Variants in GRIN2B observed in about 807,000 individuals in gnomAD.
The protein encoded by GRIN2B is glutamate ionotropic receptor NMDA type subunit 2B.
A neutral mutation model predicts 114.5 loss-of-function variants in GRIN2B; 5 were observed. The observed-to-expected ratio is 0.04, with a 90% CI of 0.02 to 0.09. The LOEUF (loss-of-function observed/expected upper bound fraction) is 0.09. Among genes scored for constraint, GRIN2B ranks in the 10% least tolerant of loss-of-function variants. The pLI is 1.00. For synonymous variants in GRIN2B, 787 were observed against 745.1 expected, an observed-to-expected ratio of 1.06 and a Z score of -0.92; for missense variants, 1,108 against 1,943.5, an observed-to-expected ratio of 0.57 and a Z score of 8.08.
chr12:13,537,533 ACTGT>A lies in GRIN2B; in HGVS notation c.*25246_*25249del, dbSNP rs896692345. 33 of 152,324 alleles carry A rather than the reference ACTGT, an allele frequency of 2.2e-4. No individual in the cohort carries two copies. Among genetic ancestry groups the A allele is most frequent in the African/African-American group, 7.9e-4 (33 of 41,566 alleles). 9.4% of individuals were successfully genotyped at this position (152,324 alleles called of 1,614,324 possible). A position where few individuals can be genotyped will look rare whatever the true frequency, so the allele number is the denominator to read the frequency against. On this transcript the variant is annotated 3_prime_UTR_variant, in exon 14 of 14. Transcript: ENST00000609686. ...AGAGGTCCTGGAGTTCCAAAGGGTG[ACTGT>A]CTGTGCTGTGAATAGTTGTCCATGG...
intron 3 of GRIN2B, among the ~76,000 whole-genome samples, chr12:13,759,641 T>G (rs1479595138): frequency 6.6e-6 from 1 of 152,230 alleles, no homozygotes; most frequent in African/African-American, 2.4e-5. Flanking sequence ...GCAGTCCTCC[T>G]TATCTACCAG....
chr12:13,952,009 T>C (rs1867491011), intron 2 of GRIN2B, among the ~76,000 whole-genome samples: 1 of 152,198 alleles, frequency 6.6e-6, no homozygotes, highest in African/African-American at 2.4e-5. Context: ...ATATCAAAAG[T>C]GGATCTGTGT....
At chr12:13,959,465 A>G (rs1449720508) in intron 2 of GRIN2B, among the ~76,000 whole-genome samples, 4 of 152,176 alleles carry the variant, frequency 2.6e-5, no homozygotes, top group African/African-American at 9.7e-5. Context: ...AATGAAGACA[A>G]TTCCAGCAGC....
At chr12:13,727,732 T>C (rs1441798824) in intron 4 of GRIN2B, among the ~76,000 whole-genome samples, 1 of 152,196 alleles carries the variant, frequency 6.6e-6, no homozygotes, top group Middle Eastern at 3.2e-3. Flanking sequence ...TGGGAGGACC[T>C]GATGCTGTGA....
intron 10 of GRIN2B, among the ~76,000 whole-genome samples, chr12:13,584,712 A>G (rs1948896080): frequency 6.6e-6 from 1 of 152,234 alleles, no homozygotes; most frequent in Non-Finnish European, 1.5e-5. Flanking sequence ...GGACTTGACA[A>G]TGCATATGAA....
chr12:13,567,839 A>G (rs1948660874), intron 12 of GRIN2B, among the ~76,000 whole-genome samples: 1 of 152,132 alleles, frequency 6.6e-6, no homozygotes, highest in Non-Finnish European at 1.5e-5. Flanking sequence ...CTGAATAAAA[A>G]AGAGTGATGT....
At chr12:13,771,391 T>C (rs1176037466) in intron 3 of GRIN2B, among the ~76,000 whole-genome samples, 7 of 152,138 alleles carry the variant, frequency 4.6e-5, no homozygotes, top group African/African-American at 7.2e-5. Context: ...TTCGTTTTGA[T>C]AAACCTACAC....
intron 3 of GRIN2B, among the ~76,000 whole-genome samples, chr12:13,855,653 T>C (rs774320552): frequency 1.3e-5 from 2 of 152,190 alleles, no homozygotes; most frequent in Non-Finnish European, 2.9e-5. Flanking sequence ...TCTGTGTCTG[T>C]GTCTTCTCCT....
rs1351401006 is a variant in GRIN2B, at chr12:13,556,473, C to T, written c.*6310G>A. The T allele has an allele frequency of 1.3e-5, 2 of 152,118 alleles. No individual in the cohort carries two copies. The highest frequency in any genetic ancestry group is 3.9e-4 in the East Asian group (2 of 5,188). The allele number at this position is 152,118 out of a possible 1,614,324, so 9.4% of individuals were successfully genotyped here. On this transcript the variant is annotated 3_prime_UTR_variant, in exon 14 of 14. Coordinates refer to ENST00000609686, the MANE Select transcript of GRIN2B (RefSeq NM_000834.5). Reference sequence around the variant, plus strand: ...CAATAGACGTTGGTTTAATTAAACTCACATATTTAACCAGAGAGCTTTTAT... The same window carrying T: ...CAATAGACGTTGGTTTAATTAAACTTACATATTTAACCAGAGAGCTTTTAT...
chr12:13,577,770 G>T (rs1463353407), intron 10 of GRIN2B, among the ~76,000 whole-genome samples: 1 of 152,008 alleles, frequency 6.6e-6, no homozygotes, highest in African/African-American at 2.4e-5. Context: ...CATCTATTAG[G>T]GCAGGAGACT....
intron 2 of GRIN2B, among the ~76,000 whole-genome samples, chr12:13,889,478 C>G (rs530035295): frequency 6.6e-6 from 1 of 152,310 alleles, no homozygotes; most frequent in Admixed American, 6.5e-5. Flanking sequence ...AGTGCTTCAT[C>G]TGCCAACTAT....
At chr12:13,614,517 C>T (rs1188582618) in intron 8 of GRIN2B, among the ~76,000 whole-genome samples, 6 of 151,950 alleles carry the variant, frequency 3.9e-5, no homozygotes, top group African/African-American at 7.3e-5. Flanking sequence ...TCTTATATCA[C>T]GTCTGAGATT....
intron 3 of GRIN2B, among the ~76,000 whole-genome samples, chr12:13,835,492 C>G (rs560117800): frequency 1.5e-4 from 23 of 152,014 alleles, no homozygotes; most frequent in Non-Finnish European, 2.8e-4. Context: ...AACAGAAATT[C>G]ATTTGCTACC....
intron 10 of GRIN2B, among the ~76,000 whole-genome samples, chr12:13,575,037 A>G (rs1238024847): frequency 6.6e-6 from 1 of 152,216 alleles, no homozygotes; most frequent in Non-Finnish European, 1.5e-5. Flanking sequence ...ACACCTCATA[A>G]GATACACAGA....
rs945692607 is a variant in GRIN2B, at chr12:13,962,510, A to G, written c.-19+17418T>C. On this transcript the variant is annotated intron_variant, in intron 2 of 13. Coordinates refer to ENST00000609686, the MANE Select transcript of GRIN2B (RefSeq NM_000834.5). The stretch of plus-strand genomic sequence containing the variant: ...CGTACTACAAATAACCTAAAACCAG[A>G]AACAATTTGAAATTGATTTATATTT... Among the ~76,000 whole-genome samples, 11 of 152,258 alleles carry G rather than the reference A, an allele frequency of 7.2e-5. No individual in the cohort carries two copies. In the South Asian group the frequency reaches 1.9e-3, roughly 26 times the overall value.
At chr12:13,768,395 A>T (rs754833167) in intron 3 of GRIN2B, among the ~76,000 whole-genome samples, 1 of 152,196 alleles carries the variant, frequency 6.6e-6, no homozygotes. Flanking sequence ...TCTTTCACCT[A>T]TAACATGAAA....
chr12:13,933,351 G>A (rs1391933459), intron 2 of GRIN2B, among the ~76,000 whole-genome samples: 1 of 152,170 alleles, frequency 6.6e-6, no homozygotes, highest in African/African-American at 2.4e-5. Context: ...TCAATTTAAT[G>A]TGGCTGCTAT....
intron 2 of GRIN2B, among the ~76,000 whole-genome samples, chr12:13,867,238 A>G (rs1865842877): frequency 1.3e-5 from 2 of 152,074 alleles, no homozygotes; most frequent in Non-Finnish European, 2.9e-5. Flanking sequence ...CCGTATTTTC[A>G]TATAATTTGC....
chr12:13,878,602 T>C (rs1866026298), intron 2 of GRIN2B, among the ~76,000 whole-genome samples: 1 of 152,222 alleles, frequency 6.6e-6, no homozygotes, highest in African/African-American at 2.4e-5. Context: ...ATAATACCTA[T>C]GAGGCTTTCT....
Sources: gnomAD v4.1 joint callset for allele counts (sites outside exome capture counted in the v4.1 genomes callset) on GRCh38, gnomAD v4.1.1 for gene constraint, MANE v1.5 for transcripts, NCBI Gene and HGNC (gene_info 2026-07-23, HGNC 2026-07-21) for gene names.